TRPM1: variants seen among roughly 807,000 people sequenced by gnomAD.
The protein encoded by TRPM1 is transient receptor potential cation channel subfamily M member 1, also known as TRPM1-203 APA Isoform, Intron 10.
TRPM1 carries 113 observed loss-of-function variants against 149.4 expected under a neutral mutation model. That is an observed-to-expected ratio of 0.76 (90% CI 0.65 to 0.88). The LOEUF (loss-of-function observed/expected upper bound fraction) is 0.88, where lower values mean the gene tolerates loss of function less well. Among genes scored for constraint, TRPM1 ranks in the 40% least tolerant of loss-of-function variants. The pLI is 0.00. For synonymous variants in TRPM1, 741 were observed against 759.5 expected, an observed-to-expected ratio of 0.98 and a Z score of 0.40; for missense variants, 1,976 against 2,038.7, an observed-to-expected ratio of 0.97 and a Z score of 0.59.
At chr15:31,045,919 G>T (rs1004947456) in intron 16 of TRPM1, among the ~76,000 whole-genome samples, 6 of 152,156 alleles carry the variant, frequency 3.9e-5, no homozygotes, top group Middle Eastern at 3.4e-3. Context: ...GTTATTTTTG[G>T]TTTTTTACTT....
intron 1 of TRPM1, among the ~76,000 whole-genome samples, chr15:31,126,266 C>T (rs2035950385): frequency 6.6e-6 from 1 of 152,132 alleles, no homozygotes; most frequent in Middle Eastern, 3.2e-3. Context: ...AAACAGATAA[C>T]AAATTCAAGA....
chr15:31,031,667 G>C (rs768533236), intron 22 of TRPM1, among the ~76,000 whole-genome samples: 1 of 152,176 alleles, frequency 6.6e-6, no homozygotes, highest in South Asian at 2.1e-4. Flanking sequence ...GGAGGCCCTT[G>C]CTGGAATTTA....
intron 1 of TRPM1, among the ~76,000 whole-genome samples, chr15:31,133,769 G>A (rs969600540): frequency 3.9e-5 from 6 of 152,142 alleles, no homozygotes; most frequent in Non-Finnish European, 8.8e-5. Context: ...CCAGCCTAGA[G>A]CTTCTCCAGA....
At chr15:31,118,926 C>T (rs2035838987) in intron 1 of TRPM1, among the ~76,000 whole-genome samples, 1 of 152,100 alleles carries the variant, frequency 6.6e-6, no homozygotes, top group South Asian at 2.1e-4. Flanking sequence ...AGCATTCAGT[C>T]CGTTGCATGA....
At chr15:31,045,214 G>T (rs2033729805) in intron 16 of TRPM1, among the ~76,000 whole-genome samples, 1 of 152,222 alleles carries the variant, frequency 6.6e-6, no homozygotes, top group Admixed American at 6.5e-5. Flanking sequence ...AATCCATGAA[G>T]AATCGGGATG....
At chr15:31,132,464 A>T (rs1217136306) in intron 1 of TRPM1, among the ~76,000 whole-genome samples, 1 of 152,218 alleles carries the variant, frequency 6.6e-6, no homozygotes, top group Non-Finnish European at 1.5e-5. Context: ...CAGTGAAATC[A>T]GGGCTCCGAT....
At chr15:31,066,329 G>T in intron 6 of TRPM1, 82 bp from the exon 7 acceptor site, 1 of 1,476,906 alleles carries the variant, frequency 6.8e-7, no homozygotes, top group Non-Finnish European at 9.4e-7. Context: ...ATACATATGT[G>T]TGGAGTGACT....
chr15:31,048,750 T>TGCA (rs1467043207), intron 13 of TRPM1, among the ~76,000 whole-genome samples: 1 of 152,068 alleles, frequency 6.6e-6, no homozygotes, highest in Non-Finnish European at 1.5e-5. Context: ...AGGTTGAGGC[T>TGCA]GCAGTGAGCT....
At chr15:31,008,436 AC>A (rs2032070808) in intron 27 of TRPM1, among the ~76,000 whole-genome samples, 1 of 152,218 alleles carries the variant, frequency 6.6e-6, no homozygotes, top group South Asian at 2.1e-4. Flanking sequence ...CTTTTTCTGC[AC>A]CAATTGCTAG....
At chr15:31,103,000 G>C (rs1428675335), upstream of TRPM1, among the ~76,000 whole-genome samples, 2 of 152,204 alleles carry the variant, frequency 1.3e-5, no homozygotes, top group East Asian at 3.8e-4. Flanking sequence ...GAATTCTGAA[G>C]GCACAGTCAG....
intron 1 of TRPM1, among the ~76,000 whole-genome samples, chr15:31,143,036 A>G (rs2036179780): frequency 6.6e-6 from 1 of 152,210 alleles, no homozygotes; most frequent in Admixed American, 6.5e-5. Flanking sequence ...GCTTTTAACC[A>G]TTGCCACCTT....
intron 1 of TRPM1, among the ~76,000 whole-genome samples, chr15:31,151,113 CTT>C (rs1357799082): frequency 1.3e-5 from 2 of 152,146 alleles, no homozygotes; most frequent in African/African-American, 2.4e-5. Context: ...GCTTGTTAAA[CTT>C]TCCCTCCAAC....
chr15:31,028,401 G>A lies in TRPM1; in HGVS notation c.3224C>T (p.Pro1075Leu). Residue 1075 changes from proline to leucine, a missense_variant, in exon 25 of 28, where the codon CCA (proline) becomes CTA (leucine). Physicochemically the swap from Pro to Leu is moderately conservative, Grantham distance 98. Coordinates refer to ENST00000256552, the MANE Select transcript of TRPM1 (RefSeq NM_001252024.2). ...PPCIPGAWLT[P>L]ALMACYLLVA... ...CAGTAGATAGCACGCCATGAGTGCT[G>A]GAGTGAGCCAGGCGCCGGGGATACA... 5 of 1,614,134 alleles carry A rather than the reference G, an allele frequency of 3.1e-6. No individual in the cohort carries two copies. The highest frequency in any genetic ancestry group is 4.2e-6 in the Non-Finnish European group (5 of 1,180,022).
intron 27 of TRPM1, among the ~76,000 whole-genome samples, chr15:31,020,742 T>C (rs1385085601): frequency 2.6e-5 from 4 of 152,228 alleles, no homozygotes; most frequent in Non-Finnish European, 5.9e-5. Flanking sequence ...TCCAGGCCTT[T>C]ATTTATTTTG....
chr15:31,011,666 C>CTTT (rs71106664), intron 27 of TRPM1, among the ~76,000 whole-genome samples: 2 of 138,888 alleles, frequency 1.4e-5, no homozygotes, highest in African/African-American at 2.7e-5. Flanking sequence ...ATGCCAATTA[C>CTTT]TTTTTTTTTT....
chr15:31,065,190 G>A (rs1225947599), intron 7 of TRPM1: 3 of 515,154 alleles, frequency 5.8e-6, no homozygotes, highest in Admixed American at 2.1e-5. Context: ...AGAGATGTGA[G>A]AACAAAAAAC....
At chr15:31,118,792 G>A (rs2035836934) in intron 1 of TRPM1, among the ~76,000 whole-genome samples, 1 of 152,052 alleles carries the variant, frequency 6.6e-6, no homozygotes, top group Admixed American at 6.6e-5. Context: ...TCTGATAAGG[G>A]CATGAATCCC....
chr15:31,007,905 G>A (rs1428752858), intron 27 of TRPM1, among the ~76,000 whole-genome samples: 4 of 152,062 alleles, frequency 2.6e-5, no homozygotes, highest in Admixed American at 6.5e-5. Context: ...CGTATTTTAC[G>A]AGATTTATAC....
intron 1 of TRPM1, among the ~76,000 whole-genome samples, chr15:31,159,458 CTT>C (rs2036418848): frequency 6.6e-6 from 1 of 152,288 alleles, no homozygotes; most frequent in South Asian, 2.1e-4. Flanking sequence ...TGGCATGTCT[CTT>C]GTTTCTGCCA....
Sources: allele counts gnomAD v4.1 joint callset (sites outside exome capture counted in the v4.1 genomes callset), GRCh38; gene constraint gnomAD v4.1.1; transcripts MANE v1.5; gene names NCBI Gene and HGNC (gene_info 2026-07-23, HGNC 2026-07-21).